MAP4K3: variants seen among roughly 807,000 people sequenced by gnomAD.
MAP4K3 encodes mitogen-activated protein kinase kinase kinase kinase 3, also known as MAPK/ERK kinase kinase kinase 3.
Under a neutral mutation model 143.5 loss-of-function variants are expected in MAP4K3, and 94 were observed. The ratio of observed to expected loss-of-function variants is 0.65; its 90% CI spans 0.55 to 0.78. The LOEUF is 0.78. Ranked by LOEUF, MAP4K3 falls within the 30% of genes least tolerant of loss-of-function variation. MAP4K3 has a pLI of 0.00. For missense variants in MAP4K3, 1,077 were observed against 1,068.1 expected (o/e 1.01, Z -0.12); for synonymous variants, 416 against 347.2 (o/e 1.20, Z -2.20).
Position 39,416,192 on chromosome 2 carries a change from G to A in MAP4K3, c.96+20700C>T, listed in dbSNP as rs191977423. ...ATGCTGGGAGGGTGGAGTTGGGAGG[G>A]CTGTCCTGTTTGAAAACAAAACTTC... On this transcript the variant is annotated intron_variant, in intron 1 of 33. Coordinates refer to ENST00000263881, the MANE Select transcript of MAP4K3 (RefSeq NM_003618.4). Among the ~76,000 whole-genome samples, 744 of 151,214 alleles carry A rather than the reference G, an allele frequency of 4.9e-3. 6 individuals carry two copies. The highest frequency in any genetic ancestry group is 6.7e-3 in the Non-Finnish European group (454 of 67,810).
chr2:39,363,371 C>A (rs1665823184), intron 2 of MAP4K3, among the ~76,000 whole-genome samples: 1 of 151,328 alleles, frequency 6.6e-6, no homozygotes. Context: ...TAACTGGATT[C>A]AAAAACGAGC....
intron 26 of MAP4K3, chr2:39,271,893 G>A (rs1356184617): frequency 5.9e-6 from 1 of 168,632 alleles, no homozygotes; most frequent in Non-Finnish European, 1.3e-5. Flanking sequence ...CACCATGCCA[G>A]GTTGCAAAAA....
At chr2:39,301,361 T>TA (rs1425359429) in intron 15 of MAP4K3, among the ~76,000 whole-genome samples, 1 of 152,250 alleles carries the variant, frequency 6.6e-6, no homozygotes, top group African/African-American at 2.4e-5. Context: ...CTTAATAAGA[T>TA]AAAATCATTG....
rs2148428445 is a variant in MAP4K3 at position 39,251,796 on chromosome 2, A to C, written c.2597+34T>G. The C allele has an allele frequency of 1.3e-6, 2 of 1,551,542 alleles. 1 individual carries two copies. Among genetic ancestry groups the C allele is most frequent in the South Asian group, 2.2e-5 (2 of 89,458 alleles). On this transcript the variant is annotated intron_variant, in intron 33 of 33. Transcript: ENST00000263881. ...CATGCTGGATCTATAAAACACGTTT[A>C]GTACTGTGTATTTAATACAGTCCGT...
intron 2 of MAP4K3, among the ~76,000 whole-genome samples, chr2:39,371,723 C>T (rs1048433719): frequency 1.3e-4 from 20 of 151,740 alleles, no homozygotes; most frequent in African/African-American, 4.4e-4. Flanking sequence ...AAGAAAAGAA[C>T]AGGAGTAGCT....
chr2:39,409,168 T>C (rs1272718621), intron 1 of MAP4K3, among the ~76,000 whole-genome samples: 1 of 152,206 alleles, frequency 6.6e-6, no homozygotes, highest in African/African-American at 2.4e-5. Flanking sequence ...ATAGTAAATA[T>C]ATTTTCTCTT....
chr2:39,389,071 A>C (rs1256612696), intron 1 of MAP4K3, among the ~76,000 whole-genome samples: 1 of 152,228 alleles, frequency 6.6e-6, no homozygotes, highest in East Asian at 1.9e-4. Context: ...GAAATAAAAG[A>C]AGGTATTAAA....
chr2:39,373,735 CA>C (rs1206889209), intron 2 of MAP4K3, among the ~76,000 whole-genome samples: 2 of 152,032 alleles, frequency 1.3e-5, no homozygotes, highest in African/African-American at 4.8e-5. Flanking sequence ...AGCTAAAACT[CA>C]AAACAATTGA....
Position 39,292,817 on chromosome 2 carries a change from G to T in MAP4K3, c.1227C>A (p.Val409=). ...CTCCTTCATCATCTTCTAAATGTGC[G>T]ACGTGTCCTCTAAATAAAAAGGATA... ...VEEELHQRGH[V]AHLEDDEGDD... Residue 409 remains valine, a synonymous_variant, in exon 18 of 34, where the codon GTC becomes GTA. Coordinates refer to ENST00000263881, the MANE Select transcript of MAP4K3 (RefSeq NM_003618.4). 1 of 1,611,926 alleles carries T rather than the reference G, an allele frequency of 6.2e-7. No homozygotes were observed. The highest frequency in any genetic ancestry group is 1.1e-5 in the South Asian group (1 of 91,002).
At position 39,308,021 on chromosome 2, in the gene MAP4K3, C is replaced by A; in HGVS notation, c.1057-16G>T. On this transcript the variant is annotated splice_polypyrimidine_tract_variant and intron_variant, in intron 14 of 33. Transcript: ENST00000263881. ...CACTGTCGGGCTGTTTAGCAGAGAC[C>A]AAGAAACCCAAGTTATTTACGCTTA... The A allele has an allele frequency of 6.4e-7, 1 of 1,571,244 alleles. No homozygotes were observed. The highest frequency in any genetic ancestry group is 8.6e-7 in the Non-Finnish European group (1 of 1,158,764).
At chr2:39,428,569 G>A (rs771465247) in intron 1 of MAP4K3, among the ~76,000 whole-genome samples, 17 of 151,870 alleles carry the variant, frequency 1.1e-4, no homozygotes, top group Non-Finnish European at 2.1e-4. Context: ...CCAGCTACTC[G>A]GGAGGCTGAG....
rs1171735734 is a variant in MAP4K3, at chr2:39,250,309, T to G, written c.*309A>C. ...TACAGATAAGACACTTACTTGTACA[T>G]CTCATAAAAGTACATTATCTACATA... On this transcript the variant is annotated 3_prime_UTR_variant, in exon 34 of 34. Coordinates refer to ENST00000263881, the MANE Select transcript of MAP4K3 (RefSeq NM_003618.4). 4.1e-6 allele frequency: 1 copy of G among 245,984 alleles called. No individual in the cohort carries two copies. The highest frequency in any genetic ancestry group is 7.9e-6 in the Non-Finnish European group (1 of 127,128). 15.2% of individuals were successfully genotyped at this position (245,984 alleles called of 1,614,324 possible).
At chr2:39,380,421 A>G (rs1264125172) in intron 1 of MAP4K3, among the ~76,000 whole-genome samples, 1 of 152,184 alleles carries the variant, frequency 6.6e-6, no homozygotes, top group Non-Finnish European at 1.5e-5. Context: ...GGTAAATTTA[A>G]AAGTCAATAT....
chr2:39,324,717 A>G (rs1573152412), intron 12 of MAP4K3, among the ~76,000 whole-genome samples: 1 of 152,182 alleles, frequency 6.6e-6, no homozygotes, highest in East Asian at 1.9e-4. Context: ...TCTGTTACAG[A>G]CCCAATAACA....
chr2:39,282,132 T>TTGCAATGAGCTGAGATTATGCCAC (rs1437010126), intron 22 of MAP4K3, among the ~76,000 whole-genome samples: 4 of 151,490 alleles, frequency 2.6e-5, no homozygotes, highest in Non-Finnish European at 5.9e-5. Flanking sequence ...GAGGTGGAGC[T>TTGCAATGAGCTGAGATTATGCCAC]TGCAATGAGC....
rs535536725 is a variant in MAP4K3, at chr2:39,364,575, C to T, written c.155-8236G>A. Among the ~76,000 whole-genome samples, 159 of 152,194 alleles carry T rather than the reference C, an allele frequency of 1.0e-3. 1 individual carries two copies. The highest frequency in any genetic ancestry group is 3.1e-3 in the African/African-American group (130 of 41,552). ...AGGAGACATAAGACATCAATCAAAA[C>T]GTGTAAGGTGGGCCAGGTGCGGTGG... On this transcript the variant is annotated intron_variant, in intron 2 of 33. Coordinates refer to ENST00000263881, the MANE Select transcript of MAP4K3 (RefSeq NM_003618.4).
At position 39,335,773 on chromosome 2, in the gene MAP4K3, A is replaced by C. The variant is rs543299826; in HGVS notation, c.414+1147T>G. Among the ~76,000 whole-genome samples, 143 of 152,302 alleles carry C rather than the reference A, an allele frequency of 9.4e-4. 1 individual carries two copies. Among genetic ancestry groups the C allele is most frequent in the African/African-American group, 3.1e-3 (128 of 41,560 alleles). On this transcript the variant is annotated intron_variant, in intron 6 of 33. Coordinates refer to ENST00000263881, the MANE Select transcript of MAP4K3 (RefSeq NM_003618.4). ...TGTCTTTTAAGTGGATCACAAAAAA[A>C]TACCTTCAAACAAGGGATCTCAGCA...
intron 1 of MAP4K3, among the ~76,000 whole-genome samples, chr2:39,427,796 C>T (rs146584487): frequency 2.0e-5 from 3 of 150,980 alleles, no homozygotes; most frequent in East Asian, 3.9e-4. Context: ...AAAAATACTA[C>T]ATTGTAGGTC....
chr2:39,389,295 G>C (rs1015761919), intron 1 of MAP4K3, among the ~76,000 whole-genome samples: 9 of 152,182 alleles, frequency 5.9e-5, no homozygotes, highest in African/African-American at 2.2e-4. Flanking sequence ...GCAAGAGATA[G>C]AAAATGAGAG....
Sources: allele counts gnomAD v4.1 joint callset (sites outside exome capture counted in the v4.1 genomes callset), GRCh38; gene constraint gnomAD v4.1.1; transcripts MANE v1.5; gene names NCBI Gene and HGNC (gene_info 2026-07-23, HGNC 2026-07-21).